The following PARP1 variants were observed in gnomAD, a reference collection of about 807,000 sequenced individuals.
PARP1 encodes the protein poly [ADP-ribose] polymerase 1.
In PARP1, 44 loss-of-function variants were observed where a neutral mutation model predicts 118.7. That is an observed-to-expected ratio of 0.37 (90% CI 0.29 to 0.48). The LOEUF is 0.48. PARP1 is among the 20% of genes least tolerant of loss of function. The probability of loss-of-function intolerance (pLI) is 0.99; values close to 1 mark genes in which losing one functional copy is unlikely to be tolerated. For missense variants in PARP1, 1,100 were observed against 1,272.4 expected (o/e 0.86, Z 2.06); for synonymous variants, 492 against 483.2 (o/e 1.02, Z -0.24).
Position 226,392,231 on chromosome 1 carries a change from TAC to T in PARP1, c.368_369del (p.Ser123AsnfsTer32). 6.2e-7 allele frequency: 1 copy of T among 1,613,852 alleles called. No individual in the cohort carries two copies. The highest frequency in any genetic ancestry group is 8.5e-7 in the Non-Finnish European group (1 of 1,179,694). On this transcript the variant is annotated frameshift_variant, in exon 3 of 23. Coordinates refer to ENST00000366794, the MANE Select transcript of PARP1 (RefSeq NM_001618.4). LOFTEE classifies it high-confidence loss of function. Reference protein sequence around the residue: ...FAAEYAKSNRSTCKGCMEKIE... With the variant: ...FAAEYAKSNRXTCKGCMEKIE... The stretch of plus-strand genomic sequence containing the variant: ...ATCTTCTCCATACACCCCTTGCACG[TAC>T]TTCTGTTGGACTTGGCATACTCTGC...
chr1:226,367,449 A>G (rs1664293108), intron 17 of PARP1, 31 bp downstream of exon 17: 1 of 1,612,378 alleles, frequency 6.2e-7, no homozygotes, highest in Non-Finnish European at 8.5e-7. Context: ...ATGAGAGGTT[A>G]AGATGCTTGA....
At position 226,366,003 on chromosome 1, in the gene PARP1, T is replaced by G. The variant is rs891855105; in HGVS notation, c.2456A>C (p.Lys819Thr). ...EEAEIIRKYV[K>T]NTHATTHNAY... ...ATTGTGTGTGGTTGCATGAGTGTTC[T>G]TAACATACTTCCTGATGATCTCGGC... The change falls in exon 18 of 23, where the codon AAG becomes ACG. Residue 819 changes from lysine to threonine, a missense_variant. By Grantham distance (78) the Lys-to-Thr change is moderately conservative. Transcript: ENST00000366794. 3 of 1,613,574 alleles carry G rather than the reference T, an allele frequency of 1.9e-6. No homozygotes were observed. The highest frequency in any genetic ancestry group is 2.5e-6 in the Non-Finnish European group (3 of 1,179,594).
chr1:226,363,015 C>A, intron 21 of PARP1, 84 bp downstream of exon 21: 1 of 904,110 alleles, frequency 1.1e-6, no homozygotes, highest in East Asian at 2.4e-5. Context: ...AGCCACAAGG[C>A]AGCCTTCTCA....
chr1:226,400,088 G>C (rs1448002396), intron 2 of PARP1, among the ~76,000 whole-genome samples: 1 of 152,170 alleles, frequency 6.6e-6, no homozygotes, highest in Non-Finnish European at 1.5e-5. Flanking sequence ...AAAATACAGA[G>C]ATTTTGTGCA....
chr1:226,380,354 C>G (rs955834123), intron 9 of PARP1, among the ~76,000 whole-genome samples, 190 bp from the exon 10 acceptor site: 1 of 152,154 alleles, frequency 6.6e-6, no homozygotes, highest in African/African-American at 2.4e-5. Context: ...GTATGATGAG[C>G]CAGGGCAGCC....
rs1664138323 is a variant in PARP1 at position 226,361,530 on chromosome 1, T to C, written c.2975A>G (p.Tyr992Cys). ...TSLLYNEYIV[Y>C]DIAQVNLKYL... ...CTTCAGATTTACCTGAGCAATATCA[T>C]AGACAATGTACCTGAGGGGAAGCTT... is the stretch of plus-strand genomic sequence containing the variant. Residue 992 changes from tyrosine (Y) to cysteine (C), a missense_variant, in exon 23 of 23, where the codon TAT becomes TGT. Tyr to Cys is a radical substitution (Grantham distance 194, BLOSUM62 -2). Coordinates refer to ENST00000366794, the MANE Select transcript of PARP1 (RefSeq NM_001618.4). 1.2e-6 allele frequency: 2 copies of C among 1,610,074 alleles called. No homozygotes were observed. Among genetic ancestry groups the C allele is most frequent in the East Asian group, 2.2e-5 (1 of 44,878 alleles).
At position 226,388,682 on chromosome 1, in the gene PARP1, C is replaced by T. The variant is rs1664763012; in HGVS notation, c.691G>A (p.Asp231Asn). ...KKKSKKEKDKDSKLEKALKAQ... is the reference protein window; with the variant it reads ...KKKSKKEKDKNSKLEKALKAQ... ...TTTAGGGCTTTTTCAAGCTTACTAT[C>T]CTTGTCTTTTTCTTTTTTAGATTTC... Residue 231 changes from aspartate (D) to asparagine (N), a missense_variant, in exon 5 of 23, where the codon GAT becomes AAT. Transcript: ENST00000366794. 6.2e-7 allele frequency: 1 copy of T among 1,613,540 alleles called. No individual in the cohort carries two copies. Among genetic ancestry groups the T allele is most frequent in the South Asian group, 1.1e-5 (1 of 91,076 alleles).
rs1558233883 is a variant in PARP1, at chr1:226,367,547, C to T, written c.2339G>A (p.Gly780Glu). 6.2e-7 allele frequency: 1 copy of T among 1,614,162 alleles called. No homozygotes were observed. Among genetic ancestry groups the T allele is most frequent in the Admixed American group, 1.7e-5 (1 of 60,026 alleles). The change falls in exon 17 of 23, where the codon GGA becomes GAA. Residue 780 changes from glycine (G) to glutamate (E), a missense_variant. Gly to Glu is a moderately conservative substitution (Grantham distance 98). Coordinates refer to ENST00000366794, the MANE Select transcript of PARP1 (RefSeq NM_001618.4). ...ATCCTTGCTGCTATCATCAGACCCTCCCCTGAGCAGACTGTAGGCCACCTC... is the reference window on the plus strand; with the variant it reads ...ATCCTTGCTGCTATCATCAGACCCTTCCCTGAGCAGACTGTAGGCCACCTC... ...DIEVAYSLLR[G>E]GSDDSSKDPI...
chr1:226,398,611 A>T (rs1664970574), intron 2 of PARP1, among the ~76,000 whole-genome samples: 1 of 152,198 alleles, frequency 6.6e-6, no homozygotes, highest in Admixed American at 6.5e-5. Flanking sequence ...ACGTATGAGA[A>T]GATGTTCAAG....
rs768537841 is a variant in PARP1 at position 226,374,219 on chromosome 1, C to T, written c.2070+7G>A. 12 of 1,613,576 alleles carry T rather than the reference C, an allele frequency of 7.4e-6. No homozygotes were observed. In the African/African-American group the frequency reaches 1.6e-4, roughly 22 times the overall value. ...TGCTCACAGATAAAATGATAAAGCGCAATAACCTCATACTCCACCATGGCT... is the reference window on the plus strand; with the variant it reads ...TGCTCACAGATAAAATGATAAAGCGTAATAACCTCATACTCCACCATGGCT... On this transcript the variant is annotated splice_region_variant and intron_variant, in intron 14 of 22. Transcript: ENST00000366794.
intron 2 of PARP1, among the ~76,000 whole-genome samples, chr1:226,397,335 TACTC>T (rs1664943993): frequency 6.6e-6 from 1 of 152,036 alleles, no homozygotes; most frequent in Non-Finnish European, 1.5e-5. Context: ...AAATCTGACA[TACTC>T]ACCCTCTGAA....
chr1:226,399,042 GA>G (rs1320983708), intron 2 of PARP1, among the ~76,000 whole-genome samples: 1 of 150,526 alleles, frequency 6.6e-6, no homozygotes, highest in Non-Finnish European at 1.5e-5. Flanking sequence ...AAAAAGAAAT[GA>G]GCTATCAATA....
At position 226,402,278 on chromosome 1, in the gene PARP1, G is replaced by T. The variant is rs759516960; in HGVS notation, c.222C>A (p.Phe74Leu). Residue 74 changes from phenylalanine (F) to leucine (L), a missense_variant, in exon 2 of 23, where the codon TTC becomes TTA. By Grantham distance (22) the Phe-to-Leu change is conservative. This residue lies in a region of PARP1 where 948 missense variants were observed against 1,031.8 expected (regional missense o/e 0.92). Coordinates refer to ENST00000366794, the MANE Select transcript of PARP1 (RefSeq NM_001618.4). ...GCTGGTCATCCCACCGAAGCTCAGA[G>T]AACCCATCCACCTCAACGTCAGGGT... is the stretch of plus-strand genomic sequence containing the variant. Reference protein sequence around the residue: ...IRHPDVEVDGFSELRWDDQQK... With the variant: ...IRHPDVEVDGLSELRWDDQQK... 1.2e-6 allele frequency: 2 copies of T among 1,614,164 alleles called. No individual in the cohort carries two copies. The highest frequency in any genetic ancestry group is 2.2e-5 in the South Asian group (2 of 91,090).
chr1:226,392,211 C>G lies in PARP1; in HGVS notation c.390G>C (p.Glu130Asp). 6 of 1,609,880 alleles carry G rather than the reference C, an allele frequency of 3.7e-6. No individual in the cohort carries two copies. Among genetic ancestry groups the G allele is most frequent in the Non-Finnish European group, 5.1e-6 (6 of 1,176,088 alleles). ...CCCAAGATCTTACCTTTTCTATCTT[C>G]TCCATACACCCCTTGCACGTACTTC... ...SNRSTCKGCM[E>D]KIEKGQVRLS... is the part of the protein sequence containing the mutation. The change falls in exon 3 of 23, where the codon GAG becomes GAC. Residue 130 changes from glutamate to aspartate, a missense_variant. Physicochemically the swap from Glu to Asp is conservative, Grantham distance 45. This residue lies in a region of PARP1 where 948 missense variants were observed against 1,031.8 expected (regional missense o/e 0.92). Transcript: ENST00000366794.
At chr1:226,378,313 G>A (rs1334314508) in intron 12 of PARP1, among the ~76,000 whole-genome samples, 1 of 151,116 alleles carries the variant, frequency 6.6e-6, no homozygotes, top group African/African-American at 2.4e-5. Flanking sequence ...ACTCTGCCTA[G>A]AAACATAAGG....
At chr1:226,374,016 T>C (rs944665182) in intron 14 of PARP1, among the ~76,000 whole-genome samples, 1 of 152,046 alleles carries the variant, frequency 6.6e-6, no homozygotes, top group Non-Finnish European at 1.5e-5. Context: ...AACACATGCT[T>C]CACTGCAAAT....
At chr1:226,407,578 C>G (rs547353732) in intron 1 of PARP1, among the ~76,000 whole-genome samples, 2 of 152,234 alleles carry the variant, frequency 1.3e-5, no homozygotes, top group South Asian at 4.2e-4. Context: ...CGAAAGGCAA[C>G]ACCAGCTGCA....
At chr1:226,367,333 G>C in intron 17 of PARP1, 147 bp downstream of exon 17, 3 of 960,112 alleles carry the variant, frequency 3.1e-6, no homozygotes, top group South Asian at 2.6e-5. Context: ...AGCAATGTCC[G>C]GGAACTTGTT....
chr1:226,395,052 AGTC>A (rs1664889123), intron 2 of PARP1, among the ~76,000 whole-genome samples: 1 of 152,110 alleles, frequency 6.6e-6, no homozygotes. Flanking sequence ...CAACATCACT[AGTC>A]GTTAGGGAAA....
Sources: gnomAD v4.1 joint callset for allele counts (sites outside exome capture counted in the v4.1 genomes callset) on GRCh38, gnomAD v4.1.1 for gene constraint, gnomAD v4.1.1 regional missense constraint, MANE v1.5 for transcripts, NCBI Gene and HGNC (gene_info 2026-07-23, HGNC 2026-07-21) for gene names.